USB1: variants seen among roughly 807,000 people sequenced by gnomAD.
USB1 encodes U6 snRNA biogenesis phosphodiesterase 1.
USB1 carries 21 observed loss-of-function variants against 29.9 expected under a neutral mutation model. The ratio of observed to expected loss-of-function variants is 0.70; its 90% CI spans 0.50 to 1.01. The LOEUF is 1.01. USB1 is among the 50% of genes least tolerant of loss of function. The pLI is 0.00. For missense variants in USB1, 330 were observed against 347.1 expected (o/e 0.95, Z 0.39); for synonymous variants, 143 against 134.9 (o/e 1.06, Z -0.42).
intron 2 of USB1, among the ~76,000 whole-genome samples, chr16:58,005,833 AT>A (rs1405564711): frequency 6.6e-6 from 1 of 152,068 alleles, no homozygotes; most frequent in Non-Finnish European, 1.5e-5. Flanking sequence ...ATTTTGTTAG[AT>A]TTATACTTAA....
chr16:58,006,654 G>T (rs1426808606), intron 2 of USB1, among the ~76,000 whole-genome samples: 1 of 151,948 alleles, frequency 6.6e-6, no homozygotes, highest in Non-Finnish European at 1.5e-5. Context: ...GCAAGACTCT[G>T]TCTTGGGGAA....
intron 2 of USB1, among the ~76,000 whole-genome samples, chr16:58,003,732 TTTTG>T (rs1433304647): frequency 7.9e-5 from 12 of 152,208 alleles, no homozygotes; most frequent in Non-Finnish European, 1.6e-4. Context: ...TATTAATCAT[TTTTG>T]TTTATTAATA....
chr16:58,017,976 TTCATG>T (rs1963657235), intron 5 of USB1, among the ~76,000 whole-genome samples: 1 of 152,220 alleles, frequency 6.6e-6, no homozygotes, highest in Admixed American at 6.5e-5. Context: ...GGGGATTTTG[TTCATG>T]TCATCTGAAA....
chr16:58,004,204 T>A (rs924864963), intron 2 of USB1, among the ~76,000 whole-genome samples: 8 of 152,232 alleles, frequency 5.3e-5, no homozygotes, highest in Admixed American at 5.2e-4. Context: ...TTGAAAAGAC[T>A]CTCTTTTTCA....
chr16:58,003,859 C>T (rs780323013), intron 2 of USB1, among the ~76,000 whole-genome samples: 10 of 152,236 alleles, frequency 6.6e-5, no homozygotes, highest in Non-Finnish European at 1.0e-4. Context: ...TTATCAGATA[C>T]GTCTTTTGCA....
In USB1 at chr16:58,021,189, G is replaced by T. The variant is rs1963732621; in HGVS notation, c.*944G>T. 1 of 152,244 alleles carries T rather than the reference G, an allele frequency of 6.6e-6. No individual in the cohort carries two copies. The highest frequency in any genetic ancestry group is 1.5e-5 in the Non-Finnish European group (1 of 68,050). 9.4% of individuals were successfully genotyped at this position (152,244 alleles called of 1,614,324 possible). A position where few individuals can be genotyped will look rare whatever the true frequency, so the allele number is the denominator to read the frequency against. On this transcript the variant is annotated 3_prime_UTR_variant, in exon 7 of 7. Coordinates refer to ENST00000219281, the MANE Select transcript of USB1 (RefSeq NM_024598.4). Reference sequence around the variant, plus strand: ...CCAGCAGGGGCCACTTCAAAGCCAAGGTACAGGGTGATAACTTGTGGTCCA... The same window carrying T: ...CCAGCAGGGGCCACTTCAAAGCCAATGTACAGGGTGATAACTTGTGGTCCA...
In USB1 at chr16:58,014,306, C is replaced by T. The variant is rs747267362; in HGVS notation, c.483C>T (p.Tyr161=). Residue 161 remains tyrosine, a synonymous_variant, in exon 4 of 7, where the codon TAC becomes TAT. Coordinates refer to ENST00000219281, the MANE Select transcript of USB1 (RefSeq NM_024598.4). ...TTACTGCCAACCAGGTAAAGATTTACACCAATCAAGAGAAAACCAGGTGGG... is the reference window on the plus strand; with the variant it reads ...TTACTGCCAACCAGGTAAAGATTTATACCAATCAAGAGAAAACCAGGTGGG... ...FFFTANQVKI[Y]TNQEKTRTFI... The T allele has an allele frequency of 6.2e-7, 1 of 1,613,702 alleles. No homozygotes were observed. The highest frequency in any genetic ancestry group is 8.5e-7 in the Non-Finnish European group (1 of 1,179,694).
chr16:58,013,313 C>T lies in USB1; in HGVS notation c.450-960C>T. The T allele has an allele frequency of 3.0e-6, 3 of 985,476 alleles. No individual in the cohort carries two copies. The highest frequency in any genetic ancestry group is 2.4e-6 in the Non-Finnish European group (2 of 829,960). 61.0% of individuals were successfully genotyped at this position (985,476 alleles called of 1,614,324 possible). A position where few individuals can be genotyped will look rare whatever the true frequency, so the allele number is the denominator to read the frequency against. ...AACTCTTCCTAAAAGCTGCACTTAACCAAGCTCCTGGTGGTTCTGTGATCC... is the reference window on the plus strand; with the variant it reads ...AACTCTTCCTAAAAGCTGCACTTAATCAAGCTCCTGGTGGTTCTGTGATCC... On this transcript the variant is annotated intron_variant, in intron 3 of 6. Transcript: ENST00000219281. This position sits in a 1 kb window ranked among gnomAD's most constrained non-coding sequence, Gnocchi z 4.3.
chr16:58,001,648 G>A, intron 1 of USB1, 67 bp downstream of exon 1: 1 of 1,525,778 alleles, frequency 6.6e-7, no homozygotes, highest in Non-Finnish European at 8.9e-7. Context: ...GGACCCGAAT[G>A]TCTGGGGGTG....
In USB1 at chr16:58,020,512, CCTCTCTCTCTTCCTCTT is replaced by C. The variant is rs1963713679; in HGVS notation, c.*276_*292del. The stretch of plus-strand genomic sequence containing the variant: ...CTCTTCCTCTCTTCTCTCTTCCTCT[CCTCTCTCTCTTCCTCTT>C]CTCTCTCTTCCCCTCCTGTCTCTCC... On this transcript the variant is annotated 3_prime_UTR_variant, in exon 7 of 7. Transcript: ENST00000219281. 1 of 518,386 alleles carries C rather than the reference CCTCTCTCTCTTCCTCTT, an allele frequency of 1.9e-6. No homozygotes were observed. The highest frequency in any genetic ancestry group is 3.5e-6 in the Non-Finnish European group (1 of 287,172). 32.1% of individuals were successfully genotyped at this position (518,386 alleles called of 1,614,324 possible).
chr16:58,002,213 GCC>G (rs1963232441), intron 1 of USB1, among the ~76,000 whole-genome samples: 1 of 152,218 alleles, frequency 6.6e-6, no homozygotes, highest in African/African-American at 2.4e-5. Context: ...TCCAGCTGCA[GCC>G]TGTCCAGCTT....
intron 4 of USB1, chr16:58,015,318 T>G (rs1963590643): frequency 6.6e-6 from 1 of 152,168 alleles, no homozygotes; most frequent in Non-Finnish European, 1.5e-5. Flanking sequence ...GTTGGGCAGT[T>G]GTAAGGCTCA....
chr16:58,014,521 G>T (rs944163918), intron 4 of USB1, among the ~76,000 whole-genome samples, 195 bp downstream of exon 4: 2 of 152,232 alleles, frequency 1.3e-5, no homozygotes, highest in East Asian at 3.9e-4. Flanking sequence ...AGTAGCGCAT[G>T]CCTGTAATTC....
In USB1 at chr16:58,020,783, C is replaced by G. The variant is rs1165549177; in HGVS notation, c.*538C>G. The G allele has an allele frequency of 1.1e-5, 2 of 181,550 alleles. No homozygotes were observed. The highest frequency in any genetic ancestry group is 2.4e-5 in the Non-Finnish European group (2 of 84,566). 11.2% of individuals were successfully genotyped at this position (181,550 alleles called of 1,614,324 possible). On this transcript the variant is annotated 3_prime_UTR_variant, in exon 7 of 7. Transcript: ENST00000219281. ...CTCTCTCTTGCTTTCTTCTCTCTCT[C>G]CTGTCTCGGCTGTTGTGGGTTGCAG...
At chr16:58,005,368 G>A (rs775034920) in intron 2 of USB1, among the ~76,000 whole-genome samples, 2 of 152,130 alleles carry the variant, frequency 1.3e-5, no homozygotes, top group African/African-American at 4.8e-5. Flanking sequence ...TGACGCTACC[G>A]TTAGACCACG....
intron 3 of USB1, chr16:58,010,711 A>G (rs1406559156): frequency 1.9e-5 from 7 of 362,684 alleles, no homozygotes; most frequent in South Asian, 1.1e-4. Context: ...TACAAAGGAT[A>G]TGTTACAGGA....
chr16:58,003,759 TTTTG>T (rs1567417095), intron 2 of USB1, among the ~76,000 whole-genome samples: 2 of 152,240 alleles, frequency 1.3e-5, no homozygotes, highest in Non-Finnish European at 2.9e-5. Flanking sequence ...TTTTAATCAT[TTTTG>T]TTTATTTAAT....
chr16:58,011,779 C>T (rs1434653698), intron 3 of USB1: 67 of 987,560 alleles, frequency 6.8e-5, no homozygotes, highest in Non-Finnish European at 7.7e-5. Flanking sequence ...CCACATTCCT[C>T]CAGGCCAGGA....
At chr16:58,019,975 C>G (rs1008669281) in intron 6 of USB1, among the ~76,000 whole-genome samples, 166 bp from the exon 7 acceptor site, 12 of 152,218 alleles carry the variant, frequency 7.9e-5, no homozygotes, top group Non-Finnish European at 1.8e-4. Context: ...GGACCAACCT[C>G]AGAGATTACA....
Sources: allele counts gnomAD v4.1 joint callset (sites outside exome capture counted in the v4.1 genomes callset), GRCh38; gene constraint gnomAD v4.1.1; non-coding constraint Gnocchi (gnomAD v3.1); transcripts MANE v1.5; gene names NCBI Gene and HGNC (gene_info 2026-07-23, HGNC 2026-07-21).